The following JAK2 variants were observed in gnomAD, a reference collection of about 807,000 sequenced individuals.
JAK2 encodes the protein Janus kinase 2, also known as tyrosine-protein kinase JAK2.
In JAK2, 86 loss-of-function variants were observed where a neutral mutation model predicts 139.3. That is an observed-to-expected ratio of 0.62 (90% confidence interval 0.52 to 0.74). The LOEUF is 0.74. JAK2 is among the 30% of genes least tolerant of loss of function. The pLI is 0.00. For synonymous variants in JAK2, 490 were observed against 437.7 expected (o/e 1.12, Z -1.49); for missense variants, 1,421 against 1,360.3 (o/e 1.04, Z -0.70).
At chr9:5,122,980 T>A (rs1472741307) in intron 22 of JAK2, 24 bp from the exon 23 acceptor site, 1 of 1,466,616 alleles carries the variant, frequency 6.8e-7, no homozygotes, top group Non-Finnish European at 9.4e-7. Flanking sequence ...AACTGTCTTT[T>A]AAATGTTATT....
chr9:5,074,265 C>A (rs1262108615), intron 14 of JAK2, among the ~76,000 whole-genome samples: 8 of 151,782 alleles, frequency 5.3e-5, no homozygotes, highest in Non-Finnish European at 1.2e-4. Context: ...AAATCGTACC[C>A]CATGCTTTAA....
intron 2 of JAK2, among the ~76,000 whole-genome samples, chr9:5,021,413 A>T (rs1402399042): frequency 1.3e-5 from 2 of 152,076 alleles, no homozygotes; most frequent in East Asian, 1.9e-4. Flanking sequence ...TTAGGATTTT[A>T]TATCATCGTC....
chr9:5,075,645 T>C (rs896886921), intron 14 of JAK2, among the ~76,000 whole-genome samples: 1 of 152,214 alleles, frequency 6.6e-6, no homozygotes, highest in East Asian at 1.9e-4. Context: ...TTACTGATCA[T>C]TGACAATGCA....
At chr9:4,993,312 C>G (rs941148090) in intron 2 of JAK2, among the ~76,000 whole-genome samples, 1 of 152,198 alleles carries the variant, frequency 6.6e-6, no homozygotes, top group African/African-American at 2.4e-5. Context: ...TAATCACACT[C>G]TAGATTGGAT....
intron 4 of JAK2, among the ~76,000 whole-genome samples, chr9:5,035,709 T>A (rs1001774280): frequency 3.1e-4 from 47 of 152,232 alleles, no homozygotes; most frequent in African/African-American, 1.1e-3. Context: ...CTCAATAAAT[T>A]AGGTATTGAT....
At chr9:5,043,356 C>G (rs542019793) in intron 4 of JAK2, among the ~76,000 whole-genome samples, 13 of 151,496 alleles carry the variant, frequency 8.6e-5, no homozygotes, top group Non-Finnish European at 1.9e-4. Flanking sequence ...AAAAGATGCC[C>G]AACATCATTG....
intron 2 of JAK2, among the ~76,000 whole-genome samples, chr9:5,005,970 G>A (rs1424113528): frequency 6.6e-5 from 10 of 152,228 alleles, no homozygotes; most frequent in East Asian, 5.8e-4. Flanking sequence ...TTGACCTGGC[G>A]ATGCAGGCTC....
At chr9:4,987,703 T>A (rs1820031898) in intron 2 of JAK2, among the ~76,000 whole-genome samples, 2 of 142,988 alleles carry the variant, frequency 1.4e-5, no homozygotes, top group South Asian at 4.3e-4. Context: ...ACCACTGCAC[T>A]CCAGGCTGGG....
At chr9:5,106,654 T>G (rs1272758547) in intron 22 of JAK2, among the ~76,000 whole-genome samples, 2 of 152,210 alleles carry the variant, frequency 1.3e-5, no homozygotes, top group African/African-American at 2.4e-5. Context: ...CCAACCCAAA[T>G]GCCCATCAAT....
chr9:5,097,123 G>C (rs1468830679), intron 22 of JAK2: 3 of 152,006 alleles, frequency 2.0e-5, no homozygotes, highest in Non-Finnish European at 4.4e-5. Flanking sequence ...TCACTTGGCA[G>C]GTATTCTATT....
In JAK2 at chr9:5,069,084, C is replaced by T. The variant is rs774052107; in HGVS notation, c.1389C>T (p.Asn463=). 1.1e-5 allele frequency: 17 copies of T among 1,610,378 alleles called. No homozygotes were observed. Among genetic ancestry groups the T allele is most frequent in the Non-Finnish European group, 1.3e-5 (15 of 1,177,442 alleles). The change falls in exon 11 of 25, where the codon AAC becomes AAT. Residue 463 remains asparagine (N), a synonymous_variant. Coordinates refer to ENST00000381652, the MANE Select transcript of JAK2 (RefSeq NM_004972.4). Reference sequence around the variant, plus strand: ...CAAAAAATGAGAATGAAGAGTACAACCTCAGTGGGACAAAGAAGAACTTCA... The same window carrying T: ...CAAAAAATGAGAATGAAGAGTACAATCTCAGTGGGACAAAGAAGAACTTCA... ...LITKNENEEY[N]LSGTKKNFSS...
chr9:5,073,815 T>TGTAG, intron 14 of JAK2, 30 bp downstream of exon 14: 4 of 1,353,754 alleles, frequency 3.0e-6, no homozygotes, highest in Non-Finnish European at 4.2e-6. Flanking sequence ...TTCTAATGCC[T>TGTAG]TTCTCAGAGC....
intron 19 of JAK2, chr9:5,085,894 C>G (rs370357449): frequency 1.8e-5 from 15 of 849,726 alleles, no homozygotes; most frequent in African/African-American, 1.5e-4. Context: ...ATGAGCGGTT[C>G]CTTTCTAATA....
intron 2 of JAK2, among the ~76,000 whole-genome samples, chr9:4,998,328 C>G (rs1289870829): frequency 2.6e-5 from 4 of 151,890 alleles, no homozygotes; most frequent in Non-Finnish European, 5.9e-5. Flanking sequence ...ATTATCTCAG[C>G]TCACTGCAAC....
chr9:5,070,035 AATGAAG>A lies in JAK2; in HGVS notation c.1627_1632del (p.Glu543_Asp544del). On this transcript the variant is annotated inframe_deletion, in exon 12 of 25. Transcript: ENST00000381652. ...CCAAATGGTGTTTCACAAAATCAGA[AATGAAG>A]ATTTGATATTTGTAAGTCATTAGAT... The A allele has an allele frequency of 6.2e-7, 1 of 1,605,570 alleles. No individual in the cohort carries two copies.
intron 3 of JAK2, among the ~76,000 whole-genome samples, 186 bp from the exon 4 acceptor site, chr9:5,029,597 T>G (rs1823007355): frequency 6.6e-6 from 1 of 152,182 alleles, no homozygotes; most frequent in African/African-American, 2.4e-5. Flanking sequence ...GAAGTATGTT[T>G]GTATAAAAAA....
At chr9:5,080,450 A>T (rs989639071) in intron 17 of JAK2, 70 bp downstream of exon 17, 1 of 1,540,750 alleles carries the variant, frequency 6.5e-7, no homozygotes, top group Admixed American at 2.0e-5. Context: ...CATGATTTGT[A>T]TTTTTTAGCC....
At position 5,126,821 on chromosome 9, in the gene JAK2, T is replaced by G. The variant is rs777581645; in HGVS notation, c.*30T>G. On this transcript the variant is annotated 3_prime_UTR_variant, in exon 25 of 25. Coordinates refer to ENST00000381652, the MANE Select transcript of JAK2 (RefSeq NM_004972.4). ...AATGACCTTCATTCTGAGACCAAAG[T>G]AGATTTACAGAACAAAGTTTTATAT... 7.3e-7 allele frequency: 1 copy of G among 1,374,952 alleles called. No individual in the cohort carries two copies. Among genetic ancestry groups the G allele is most frequent in the Non-Finnish European group, 1.0e-6 (1 of 970,914 alleles). The allele number at this position is 1,374,952 out of a possible 1,614,324, so 85.2% of individuals were successfully genotyped here.
At chr9:5,076,261 A>G (rs1255364313) in intron 14 of JAK2, among the ~76,000 whole-genome samples, 1 of 152,178 alleles carries the variant, frequency 6.6e-6, no homozygotes, top group African/African-American at 2.4e-5. Flanking sequence ...GAGAGGACTG[A>G]CCCTGTAAAG....
Sources: gnomAD v4.1 joint callset for allele counts (sites outside exome capture counted in the v4.1 genomes callset) on GRCh38, gnomAD v4.1.1 for gene constraint, MANE v1.5 for transcripts, NCBI Gene and HGNC (gene_info 2026-07-23, HGNC 2026-07-21) for gene names.